TBC1D19: variants seen among roughly 807,000 people sequenced by gnomAD.
TBC1D19 encodes TBC1 domain family, member 19.
In TBC1D19, 60 loss-of-function variants were observed where a neutral mutation model predicts 89.0. The ratio of observed to expected loss-of-function variants is 0.67; its 90% CI spans 0.55 to 0.84. The LOEUF (loss-of-function observed/expected upper bound fraction) is 0.84. TBC1D19 is among the 40% of genes least tolerant of loss of function. The probability of loss-of-function intolerance (pLI) is 0.00; values close to 1 mark genes in which losing one functional copy is unlikely to be tolerated. For missense variants in TBC1D19, 500 were observed against 610.8 expected (o/e 0.82, Z 1.91); for synonymous variants, 189 against 199.7 (o/e 0.95, Z 0.45).
intron 5 of TBC1D19, among the ~76,000 whole-genome samples, chr4:26,637,988 A>G (rs1179032642): frequency 6.6e-6 from 1 of 152,194 alleles, no homozygotes; most frequent in African/African-American, 2.4e-5. Context: ...GTAATAGGTA[A>G]TACGGTACCA....
intron 1 of TBC1D19, among the ~76,000 whole-genome samples, chr4:26,578,762 C>G (rs1322097773): frequency 6.6e-6 from 1 of 152,126 alleles, no homozygotes; most frequent in Non-Finnish European, 1.5e-5. Flanking sequence ...ATCAGTAAAC[C>G]TCTTTTGCCC....
chr4:26,837,089 G>C, the TBC1D19 span, among the ~76,000 whole-genome samples: 1 of 152,192 alleles, frequency 6.6e-6, no homozygotes, highest in Non-Finnish European at 1.5e-5. Context: ...GGGAATGTTT[G>C]GAGGGGTTGT....
At chr4:26,741,269 T>C (rs1718354954) in intron 17 of TBC1D19, among the ~76,000 whole-genome samples, 3 of 140,250 alleles carry the variant, frequency 2.1e-5, no homozygotes, top group African/African-American at 8.2e-5. Flanking sequence ...GGCAGGAGAA[T>C]GGCGTGAACC....
chr4:26,696,870 GA>G (rs1192493146), intron 13 of TBC1D19, among the ~76,000 whole-genome samples: 1 of 152,138 alleles, frequency 6.6e-6, no homozygotes, highest in African/African-American at 2.4e-5. Context: ...TGTGTAGAGG[GA>G]AATTTATAGC....
At chr4:26,750,816 A>T (rs567862921) in intron 19 of TBC1D19, among the ~76,000 whole-genome samples, 1 of 152,226 alleles carries the variant, frequency 6.6e-6, no homozygotes, top group African/African-American at 2.4e-5. Context: ...ATGTAAATGT[A>T]TACAAATTAG....
chr4:26,736,602 G>C (rs983433593), intron 16 of TBC1D19, among the ~76,000 whole-genome samples: 4 of 152,076 alleles, frequency 2.6e-5, no homozygotes, highest in Non-Finnish European at 5.9e-5. Context: ...TTAGTCCAAT[G>C]GAAACTAGAG....
intron 14 of TBC1D19, among the ~76,000 whole-genome samples, chr4:26,718,504 C>A (rs746282105): frequency 1.3e-5 from 2 of 152,098 alleles, no homozygotes; most frequent in Non-Finnish European, 2.9e-5. Context: ...TCTGAAGATA[C>A]AATTAACTTC....
chr4:26,628,710 C>A (rs1742597573), intron 4 of TBC1D19, among the ~76,000 whole-genome samples: 1 of 151,882 alleles, frequency 6.6e-6, no homozygotes, highest in African/African-American at 2.4e-5. Flanking sequence ...TCTTATACAC[C>A]AATAACAGAC....
intron 4 of TBC1D19, among the ~76,000 whole-genome samples, chr4:26,624,617 C>A (rs951147748): frequency 2.0e-5 from 3 of 152,046 alleles, no homozygotes; most frequent in South Asian, 2.1e-4. Flanking sequence ...AGTACACTGG[C>A]CTTTATGTAG....
intron 6 of TBC1D19, among the ~76,000 whole-genome samples, chr4:26,639,646 A>G (rs187284807): frequency 8.9e-4 from 136 of 152,346 alleles, no homozygotes; most frequent in African/African-American, 3.0e-3. Flanking sequence ...CTATAATTGT[A>G]TAGACAGACA....
Position 26,699,533 on chromosome 4 carries a change from A to G in TBC1D19, c.954+11126A>G, listed in dbSNP as rs546115696. 3.9e-4 allele frequency among the ~76,000 whole-genome samples: 60 copies of G among 152,336 alleles called. 1 individual carries two copies. In the South Asian group the frequency reaches 0.012, roughly 31 times the overall value. ...ACTGGGTATATACCCAAAGGATTATAAATCATGCTACTATAAAGGGACATG... is the reference window on the plus strand; with the variant it reads ...ACTGGGTATATACCCAAAGGATTATGAATCATGCTACTATAAAGGGACATG... On this transcript the variant is annotated intron_variant, in intron 13 of 20. Transcript: ENST00000264866.
chr4:26,839,100 T>C, the TBC1D19 span, among the ~76,000 whole-genome samples: 4 of 152,240 alleles, frequency 2.6e-5, no homozygotes, highest in Admixed American at 2.6e-4. Flanking sequence ...ACCTGCTATT[T>C]TGAAACATGC....
At chr4:26,593,313 C>T (rs1739957229) in intron 1 of TBC1D19, among the ~76,000 whole-genome samples, 1 of 152,168 alleles carries the variant, frequency 6.6e-6, no homozygotes, top group African/African-American at 2.4e-5. Context: ...TGGATCCCTT[C>T]CTTACACCTT....
intron 13 of TBC1D19, among the ~76,000 whole-genome samples, chr4:26,712,881 C>T (rs1212188654): frequency 6.6e-6 from 1 of 152,044 alleles, no homozygotes. Context: ...ACACCTCCCA[C>T]TAGGCCCATC....
the TBC1D19 span, among the ~76,000 whole-genome samples, chr4:26,802,460 G>A: frequency 1.3e-5 from 2 of 151,986 alleles, no homozygotes; most frequent in African/African-American, 2.4e-5. Flanking sequence ...AAATTAGCTG[G>A]GTGTGGTGGC....
chr4:26,594,051 C>T (rs1300577592), intron 1 of TBC1D19, among the ~76,000 whole-genome samples: 27 of 151,992 alleles, frequency 1.8e-4, no homozygotes, highest in African/African-American at 5.3e-4. Context: ...GTATGTTTAT[C>T]GCGGCACTAT....
chr4:26,764,931 G>A, the TBC1D19 span, among the ~76,000 whole-genome samples: 2 of 152,142 alleles, frequency 1.3e-5, no homozygotes, highest in Admixed American at 1.3e-4. Context: ...ATGTAAAAAT[G>A]TAAGGCATAT....
intron 13 of TBC1D19, among the ~76,000 whole-genome samples, chr4:26,704,592 T>C (rs886641493): frequency 6.6e-6 from 1 of 152,158 alleles, no homozygotes; most frequent in Non-Finnish European, 1.5e-5. Flanking sequence ...TGTTCTGATA[T>C]AGGCACTGTG....
chr4:26,703,490 T>C (rs1192590525), intron 13 of TBC1D19, among the ~76,000 whole-genome samples: 1 of 152,200 alleles, frequency 6.6e-6, no homozygotes, highest in Non-Finnish European at 1.5e-5. Flanking sequence ...GCAACACAGT[T>C]GCTGTATAGG....
Sources: allele counts gnomAD v4.1 joint callset (sites outside exome capture counted in the v4.1 genomes callset), GRCh38; gene constraint gnomAD v4.1.1; transcripts MANE v1.5; gene names NCBI Gene and HGNC (gene_info 2026-07-23, HGNC 2026-07-21).